Variants in TANC2 observed in about 807,000 individuals in gnomAD.
TANC2 encodes the protein protein TANC2.
A neutral mutation model predicts 210.5 loss-of-function variants in TANC2; 26 were observed. That is an observed-to-expected ratio of 0.12 (90% CI 0.09 to 0.17). TANC2 has a LOEUF of 0.17. Among genes scored for constraint, TANC2 ranks in the 10% least tolerant of loss-of-function variants. The pLI is 1.00. For missense variants in TANC2, 2,129 were observed against 2,608.9 expected (o/e 0.82, Z 4.01); for synonymous variants, 931 against 967.1 (o/e 0.96, Z 0.69).
chr17:63,201,287 G>A (rs564080630), intron 7 of TANC2, among the ~76,000 whole-genome samples: 1 of 152,088 alleles, frequency 6.6e-6, no homozygotes, highest in Admixed American at 6.6e-5. Context: ...TTCCTTACTG[G>A]TATAGTCGAG....
intron 5 of TANC2, among the ~76,000 whole-genome samples, chr17:63,176,027 TA>T (rs1483795675): frequency 1.3e-5 from 2 of 152,164 alleles, no homozygotes; most frequent in African/African-American, 2.4e-5. Context: ...TTAGTATAAC[TA>T]AAATTAAAAA....
intron 7 of TANC2, among the ~76,000 whole-genome samples, chr17:63,222,992 C>T (rs73323776): frequency 0.074 from 11,185 of 152,168 alleles, 1,298 homozygotes; most frequent in African/African-American, 0.25. Context: ...GCAACATTGG[C>T]GAATCTCAGA....
At chr17:63,400,810 A>G (rs2048321568) in intron 19 of TANC2, among the ~76,000 whole-genome samples, 1 of 142,210 alleles carries the variant, frequency 7.0e-6, no homozygotes, top group Non-Finnish European at 1.5e-5. Flanking sequence ...CACCTGACTA[A>G]TTTTTTTTTT....
At chr17:63,407,866 G>T (rs954577146) in intron 21 of TANC2, among the ~76,000 whole-genome samples, 4 of 152,140 alleles carry the variant, frequency 2.6e-5, no homozygotes, top group Admixed American at 2.6e-4. Flanking sequence ...ATAGATGAAA[G>T]GCCAAAGAGG....
chr17:63,350,425 T>TTG lies in TANC2; in HGVS notation c.1808-824_1808-823dup, dbSNP rs536119803. Among the ~76,000 whole-genome samples the TTG allele has an allele frequency of 2.0e-4, 30 of 152,324 alleles. No individual in the cohort carries two copies. The East Asian group carries it at 5.8e-3, about 29-fold the overall frequency. ...GTGGAAATTTTTGAATCTCTAATTGTTGAACCAAGAATCAATAAGCATTTA... is the reference window on the plus strand; with the variant it reads ...GTGGAAATTTTTGAATCTCTAATTGTTGTGAACCAAGAATCAATAAGCATTTA... On this transcript the variant is annotated intron_variant, in intron 12 of 27. Coordinates refer to ENST00000689528, the Ensembl canonical transcript of TANC2.
At chr17:63,183,211 A>G (rs916793703) in intron 5 of TANC2, among the ~76,000 whole-genome samples, 11 of 152,230 alleles carry the variant, frequency 7.2e-5, no homozygotes, top group African/African-American at 2.7e-4. Context: ...CTGCTTTTCC[A>G]TTGTGTCTGA....
chr17:63,321,914 C>T (rs1261515642), intron 11 of TANC2, among the ~76,000 whole-genome samples: 1 of 152,162 alleles, frequency 6.6e-6, no homozygotes, highest in Non-Finnish European at 1.5e-5. Context: ...TTTCAGGTCC[C>T]TTCACCCTTC....
chr17:63,102,217 G>A (rs1448044933), intron 4 of TANC2, among the ~76,000 whole-genome samples: 1 of 152,052 alleles, frequency 6.6e-6, no homozygotes, highest in African/African-American at 2.4e-5. Flanking sequence ...AGGCTACGGT[G>A]GGAGTGTTGC....
At chr17:63,077,768 C>A (rs925706482) in intron 3 of TANC2, among the ~76,000 whole-genome samples, 1 of 152,048 alleles carries the variant, frequency 6.6e-6, no homozygotes, top group African/African-American at 2.4e-5. Context: ...CAGTAGAAAA[C>A]GTGATCAGTT....
At chr17:63,202,188 T>TA (rs1041631148) in intron 7 of TANC2, among the ~76,000 whole-genome samples, 8 of 152,082 alleles carry the variant, frequency 5.3e-5, no homozygotes, top group African/African-American at 1.2e-4. Flanking sequence ...TACAAAATGC[T>TA]AAAAAAATTG....
chr17:63,077,707 G>A (rs986950075), intron 3 of TANC2, among the ~76,000 whole-genome samples: 4 of 152,144 alleles, frequency 2.6e-5, no homozygotes, highest in South Asian at 2.1e-4. Flanking sequence ...GAATAATGTC[G>A]TCAGTTCTTT....
At chr17:63,075,261 A>G (rs2036530561) in intron 3 of TANC2, among the ~76,000 whole-genome samples, 1 of 152,182 alleles carries the variant, frequency 6.6e-6, no homozygotes, top group African/African-American at 2.4e-5. Flanking sequence ...ATTAAGTATC[A>G]AATATAGATG....
intron 5 of TANC2, among the ~76,000 whole-genome samples, chr17:63,178,645 A>C (rs919572917): frequency 6.6e-6 from 1 of 152,260 alleles, no homozygotes; most frequent in East Asian, 1.9e-4. Context: ...AACTCTGTTA[A>C]AGAGAAAGCA....
chr17:63,313,786 A>G (rs775490907), intron 9 of TANC2, among the ~76,000 whole-genome samples: 68 of 152,162 alleles, frequency 4.5e-4, no homozygotes, highest in Non-Finnish European at 9.4e-4. Context: ...AGGAATTACT[A>G]TTCTCATTGG....
chr17:63,395,670 T>C, intron 17 of TANC2, 73 bp from the exon 18 acceptor site: 4 of 1,378,280 alleles, frequency 2.9e-6, no homozygotes, highest in South Asian at 1.3e-5. Flanking sequence ...GCTTGTGCAG[T>C]GGCGGATGTG....
intron 7 of TANC2, among the ~76,000 whole-genome samples, chr17:63,230,336 C>T (rs2042442613): frequency 6.6e-6 from 1 of 151,846 alleles, no homozygotes; most frequent in Non-Finnish European, 1.5e-5. Context: ...TTTGGGGTTT[C>T]TTTGCTCTTG....
At chr17:62,976,455 GTT>G (rs553720202) in intron 1 of TANC2, among the ~76,000 whole-genome samples, 4 of 140,186 alleles carry the variant, frequency 2.9e-5, no homozygotes, top group African/African-American at 5.2e-5. Context: ...GGTTTGTCTG[GTT>G]TTTTTTTTTT....
chr17:63,239,644 C>A (rs1184341438), intron 8 of TANC2, among the ~76,000 whole-genome samples: 3 of 152,052 alleles, frequency 2.0e-5, no homozygotes, highest in African/African-American at 4.8e-5. Context: ...AATTTTTTAT[C>A]CTAGGACCTT....
intron 9 of TANC2, among the ~76,000 whole-genome samples, chr17:63,298,252 A>G (rs1265159531): frequency 1.3e-5 from 2 of 152,220 alleles, no homozygotes; most frequent in African/African-American, 2.4e-5. Flanking sequence ...ATACACACGA[A>G]TATACACAGC....
Sources: gnomAD v4.1 joint callset for allele counts (sites outside exome capture counted in the v4.1 genomes callset) on GRCh38, gnomAD v4.1.1 for gene constraint, MANE v1.5 for transcripts, NCBI Gene and HGNC (gene_info 2026-07-23, HGNC 2026-07-21) for gene names.